The following ZNF254 variants were observed in gnomAD, a reference collection of about 807,000 sequenced individuals.
The protein encoded by ZNF254 is CTD-2017D11.1.
Under a neutral mutation model 12.4 loss-of-function variants are expected in ZNF254, and 10 were observed. The ratio of observed to expected loss-of-function variants is 0.80; its 90% CI spans 0.50 to 1.36. The LOEUF is 1.36. ZNF254 is among the 40% of genes most tolerant of loss of function. ZNF254 has a pLI of 0.00. For synonymous variants in ZNF254, 305 were observed against 253.4 expected, an observed-to-expected ratio of 1.20 and a Z score of -1.93; for missense variants, 996 against 763.9, an observed-to-expected ratio of 1.30 and a Z score of -3.58.
chr19:24,107,459 A>G (rs1197742718), intron 3 of ZNF254: 1 of 358,218 alleles, frequency 2.8e-6, no homozygotes, highest in African/African-American at 2.1e-5. Context: ...GATATTGTAC[A>G]TAAGTTTTTT....
intron 1 of ZNF254, among the ~76,000 whole-genome samples, chr19:24,035,910 C>G (rs1167980103): frequency 6.6e-6 from 1 of 152,226 alleles, no homozygotes; most frequent in South Asian, 2.1e-4. Flanking sequence ...CACAAAAGTT[C>G]AGGAATTTCT....
chr19:24,084,886 C>T (rs1971968984), upstream of ZNF254, among the ~76,000 whole-genome samples: 1 of 150,614 alleles, frequency 6.6e-6, no homozygotes, highest in African/African-American at 2.4e-5. Flanking sequence ...CTTGGCCTCC[C>T]AAAGTGCTGG....
Position 24,087,292 on chromosome 19 carries a change from G to A in ZNF254, c.-16G>A. 1.2e-6 allele frequency: 2 copies of A among 1,613,438 alleles called. No homozygotes were observed. The highest frequency in any genetic ancestry group is 1.7e-6 in the Non-Finnish European group (2 of 1,179,630). ...GTGGCGCTGTTACCAGCAGGTATTG[G>A]AGATCCACAGCTAAGATGCCAGGAC... is the stretch of plus-strand genomic sequence containing the variant. On this transcript the variant is annotated 5_prime_UTR_variant, in exon 1 of 4. Transcript: ENST00000357002.
intron 2 of ZNF254, among the ~76,000 whole-genome samples, chr19:24,051,168 A>AT (rs1365312537): frequency 6.6e-6 from 1 of 150,856 alleles, no homozygotes; most frequent in Non-Finnish European, 1.5e-5. Flanking sequence ...TATAACTTTT[A>AT]TTTTTTTGAG....
In ZNF254 at chr19:24,106,011, G is replaced by A. The variant is rs1973320050; in HGVS notation, c.102G>A (p.Gln34=). 2 of 1,599,636 alleles carry A rather than the reference G, an allele frequency of 1.3e-6. No individual in the cohort carries two copies. Among genetic ancestry groups the A allele is most frequent in the African/African-American group, 1.3e-5 (1 of 74,606 alleles). Residue 34 remains glutamine, a synonymous_variant, in exon 2 of 4, where the codon CAG becomes CAA. Transcript: ENST00000357002. ...AGTGGCAACACCTGGACATTGCACA[G>A]CAGAATTTATATAGAAATGTGATGT... ...LEEWQHLDIA[Q]QNLYRNVMLE...
chr19:24,067,915 T>C (rs1971337080), intron 2 of ZNF254, among the ~76,000 whole-genome samples: 1 of 152,204 alleles, frequency 6.6e-6, no homozygotes, highest in Admixed American at 6.5e-5. Flanking sequence ...TAGGTAGTGA[T>C]GTGACTCTTC....
intron 2 of ZNF254, among the ~76,000 whole-genome samples, chr19:24,054,945 C>G (rs1228970354): frequency 2.0e-5 from 3 of 151,986 alleles, no homozygotes; most frequent in African/African-American, 7.2e-5. Context: ...TGGCTCACGC[C>G]TGTAATCCCA....
chr19:24,035,574 G>A (rs1040413704), intron 1 of ZNF254, among the ~76,000 whole-genome samples: 5 of 152,310 alleles, frequency 3.3e-5, no homozygotes, highest in Non-Finnish European at 5.9e-5. Flanking sequence ...TCGGGAAGCT[G>A]AGGCAGGAGA....
At chr19:24,080,849 G>A (rs1296116301) in intron 2 of ZNF254, among the ~76,000 whole-genome samples, 1 of 151,324 alleles carries the variant, frequency 6.6e-6, no homozygotes, top group African/African-American at 2.4e-5. Context: ...AGCACTTTGG[G>A]AGGCTGAGGT....
At chr19:24,073,244 A>C (rs1445481194) in intron 2 of ZNF254, among the ~76,000 whole-genome samples, 2 of 152,200 alleles carry the variant, frequency 1.3e-5, no homozygotes, top group Non-Finnish European at 1.5e-5. Context: ...TCACAGGTGC[A>C]TGCAGTCCAC....
At chr19:24,091,508 T>A (rs943354506) in intron 1 of ZNF254, among the ~76,000 whole-genome samples, 1 of 152,144 alleles carries the variant, frequency 6.6e-6, no homozygotes, top group African/African-American at 2.4e-5. Context: ...GATTGTTTTT[T>A]GAGATAAAGA....
At chr19:24,060,952 A>G (rs1050816520) in intron 2 of ZNF254, among the ~76,000 whole-genome samples, 4 of 152,238 alleles carry the variant, frequency 2.6e-5, no homozygotes, top group African/African-American at 9.6e-5. Flanking sequence ...AATTTAGGTA[A>G]TTTGACTCCT....
chr19:24,106,328 A>G (rs1973338107), intron 2 of ZNF254: 2 of 538,868 alleles, frequency 3.7e-6, no homozygotes, highest in Non-Finnish European at 5.7e-6. Flanking sequence ...CTTAAAATCC[A>G]TTTGGCATCA....
At chr19:24,120,188 T>C (rs1196956887) in intron 3 of ZNF254, among the ~76,000 whole-genome samples, 1 of 152,106 alleles carries the variant, frequency 6.6e-6, no homozygotes, top group African/African-American at 2.4e-5. Context: ...TCTGCTTTCA[T>C]GAGACTTATT....
At chr19:24,054,985 G>A (rs1452921051) in intron 2 of ZNF254, among the ~76,000 whole-genome samples, 2 of 151,726 alleles carry the variant, frequency 1.3e-5, no homozygotes, top group Non-Finnish European at 2.9e-5. Flanking sequence ...TGGGTGAAAC[G>A]AGGTCAGGAG....
intron 1 of ZNF254, among the ~76,000 whole-genome samples, chr19:24,087,989 C>G (rs1972135012): frequency 6.9e-6 from 1 of 144,528 alleles, no homozygotes; most frequent in Non-Finnish European, 1.5e-5. Flanking sequence ...GATCTCGACT[C>G]ACTGCAACCT....
intron 2 of ZNF254, among the ~76,000 whole-genome samples, chr19:24,076,459 A>G (rs1396259829): frequency 2.6e-5 from 4 of 152,144 alleles, no homozygotes; most frequent in African/African-American, 9.7e-5. Flanking sequence ...GAAGATTATG[A>G]CATTTTGCTA....
chr19:24,067,301 T>C (rs918241211), intron 2 of ZNF254, among the ~76,000 whole-genome samples: 1 of 151,988 alleles, frequency 6.6e-6, no homozygotes, highest in African/African-American at 2.4e-5. Context: ...TGACTTATTG[T>C]TGGGCCCAGC....
intron 2 of ZNF254, among the ~76,000 whole-genome samples, chr19:24,081,943 C>A (rs905965701): frequency 1.3e-5 from 2 of 151,736 alleles, no homozygotes; most frequent in East Asian, 1.9e-4. Context: ...GCTAACATGG[C>A]GAAACCCCGT....
Sources: allele counts gnomAD v4.1 joint callset (sites outside exome capture counted in the v4.1 genomes callset), GRCh38; gene constraint gnomAD v4.1.1; transcripts MANE v1.5; gene names NCBI Gene and HGNC (gene_info 2026-07-23, HGNC 2026-07-21).